The following PTPRQ variants were observed in gnomAD, a reference collection of about 807,000 sequenced individuals.
PTPRQ encodes protein tyrosine phosphatase receptor type Q, also known as phosphatidylinositol phosphatase PTPRQ.
A neutral mutation model predicts 246.0 loss-of-function variants in PTPRQ; 199 were observed. That is an observed-to-expected ratio of 0.81 (90% CI 0.72 to 0.91). PTPRQ has a LOEUF of 0.91. Among genes scored for constraint, PTPRQ ranks in the 40% least tolerant of loss-of-function variants. PTPRQ has a pLI of 0.00. For missense variants in PTPRQ, 2,624 were observed against 2,528.4 expected (o/e 1.04, Z -0.81); for synonymous variants, 869 against 853.2 (o/e 1.02, Z -0.32).
chr12:80,452,702 C>T (rs1006364400), intron 3 of PTPRQ, among the ~76,000 whole-genome samples: 1 of 152,214 alleles, frequency 6.6e-6, no homozygotes, highest in Non-Finnish European at 1.5e-5. Context: ...CCCCCACTCT[C>T]TTCTGGCTTC....
chr12:80,660,608 A>G (rs1199237811), intron 39 of PTPRQ, among the ~76,000 whole-genome samples: 1 of 152,106 alleles, frequency 6.6e-6, no homozygotes, highest in African/African-American at 2.4e-5. Context: ...CGTCAAAATT[A>G]TCTCTCCTGT....
chr12:80,468,395 A>C (rs1893510058), intron 6 of PTPRQ, among the ~76,000 whole-genome samples: 1 of 152,274 alleles, frequency 6.6e-6, no homozygotes. Context: ...TGCAGGTATA[A>C]ATGTTTCAAG....
chr12:80,538,090 C>G (rs35836356), intron 19 of PTPRQ, among the ~76,000 whole-genome samples: 6 of 151,816 alleles, frequency 4.0e-5, no homozygotes, highest in Non-Finnish European at 7.4e-5. Flanking sequence ...GCCTGGGCAA[C>G]AGAGTGAGAC....
At chr12:80,567,341 C>A (rs1897009210) in intron 25 of PTPRQ, among the ~76,000 whole-genome samples, 1 of 152,050 alleles carries the variant, frequency 6.6e-6, no homozygotes, top group Non-Finnish European at 1.5e-5. Flanking sequence ...AAGCTTTTTT[C>A]ATGCTTTTAA....
chr12:80,541,095 T>C (rs1240738215), intron 20 of PTPRQ, among the ~76,000 whole-genome samples: 1 of 152,112 alleles, frequency 6.6e-6, no homozygotes, highest in African/African-American at 2.4e-5. Context: ...TAGTATTGAT[T>C]CTTCTGGCTA....
At chr12:80,552,819 A>T (rs572296631) in intron 25 of PTPRQ, among the ~76,000 whole-genome samples, 2 of 151,666 alleles carry the variant, frequency 1.3e-5, no homozygotes, top group South Asian at 4.2e-4. Flanking sequence ...GTACTTTCCT[A>T]CTACTGAGTA....
chr12:80,549,324 T>C (rs1205257600), intron 24 of PTPRQ, 141 bp from the exon 25 acceptor site: 3 of 1,081,030 alleles, frequency 2.8e-6, no homozygotes, highest in African/African-American at 3.2e-5. Context: ...TTAATGACTT[T>C]TTAAGCACAC....
intron 26 of PTPRQ, among the ~76,000 whole-genome samples, chr12:80,589,876 G>A (rs1272389591): frequency 6.6e-6 from 1 of 152,088 alleles, no homozygotes; most frequent in East Asian, 1.9e-4. Flanking sequence ...TTAACTGTAA[G>A]CATTGGAGAG....
intron 9 of PTPRQ, among the ~76,000 whole-genome samples, chr12:80,492,039 AAG>A (rs758777909): frequency 4.0e-5 from 6 of 151,848 alleles, no homozygotes; most frequent in Non-Finnish European, 7.4e-5. Context: ...AAATTAGTAA[AAG>A]AGAGTAGATT....
rs142062821 is a variant in PTPRQ at position 80,593,855 on chromosome 12, G to A, written c.4609+5403G>A. 9.9e-5 allele frequency among the ~76,000 whole-genome samples: 15 copies of A among 151,936 alleles called. 1 individual carries two copies. The East Asian group carries it at 2.9e-3, about 29-fold the overall frequency. ...AAATGTACAACTTTAAAGGAGTGTG[G>A]GTGTGAAATTAGTATGAAATGGAAT... is the stretch of plus-strand genomic sequence containing the variant. On this transcript the variant is annotated intron_variant, in intron 26 of 44. Coordinates refer to ENST00000644991, the MANE Select transcript of PTPRQ (RefSeq NM_001145026.2).
At chr12:80,658,198 T>A (rs1442242477) in intron 39 of PTPRQ, 137 bp downstream of exon 39, 1 of 488,640 alleles carries the variant, frequency 2.0e-6, no homozygotes, top group East Asian at 4.2e-5. Context: ...ACAGCCACAT[T>A]GTGTACCCTT....
At chr12:80,580,929 C>A (rs550502649) in intron 25 of PTPRQ, among the ~76,000 whole-genome samples, 8 of 152,272 alleles carry the variant, frequency 5.3e-5, no homozygotes, top group African/African-American at 1.7e-4. Context: ...CTTTTTAAGA[C>A]CTTTTCTTCT....
intron 8 of PTPRQ, among the ~76,000 whole-genome samples, chr12:80,476,703 A>G (rs1893821957): frequency 6.6e-6 from 1 of 152,152 alleles, no homozygotes; most frequent in Non-Finnish European, 1.5e-5. Flanking sequence ...GTTCCCTTTT[A>G]AGACTATATG....
chr12:80,493,890 C>A (rs1303128026), intron 10 of PTPRQ, among the ~76,000 whole-genome samples: 1 of 151,792 alleles, frequency 6.6e-6, no homozygotes, highest in Non-Finnish European at 1.5e-5. Context: ...TGTAGGTGAC[C>A]CCAACGATGT....
chr12:80,648,046 A>C (rs894114787), intron 35 of PTPRQ, among the ~76,000 whole-genome samples: 1 of 151,664 alleles, frequency 6.6e-6, no homozygotes, highest in African/African-American at 2.4e-5. Flanking sequence ...GACCATTTTC[A>C]TATTTATTAT....
intron 5 of PTPRQ, among the ~76,000 whole-genome samples, chr12:80,460,037 A>AT (rs1893105583): frequency 6.6e-6 from 1 of 152,296 alleles, no homozygotes; most frequent in African/African-American, 2.4e-5. Context: ...ATGCTTTATT[A>AT]TAGAATAAGC....
intron 14 of PTPRQ, 79 bp downstream of exon 14, chr12:80,496,610 C>T: frequency 1.4e-6 from 2 of 1,437,926 alleles, no homozygotes; most frequent in Non-Finnish European, 1.8e-6. Flanking sequence ...ATGTTGTTTA[C>T]ATTTTACATA....
chr12:80,642,690 G>A (rs1042943820), intron 35 of PTPRQ, among the ~76,000 whole-genome samples: 7 of 151,810 alleles, frequency 4.6e-5, no homozygotes, highest in Non-Finnish European at 1.0e-4. Flanking sequence ...GGAGGCCGAG[G>A]CGGGCGGATC....
chr12:80,616,957 A>G (rs1432352690), intron 30 of PTPRQ, among the ~76,000 whole-genome samples: 1 of 151,068 alleles, frequency 6.6e-6, no homozygotes, highest in East Asian at 1.9e-4. Flanking sequence ...ATGTGTAATA[A>G]AACCTTCAGA....
Sources: gnomAD v4.1 joint callset for allele counts (sites outside exome capture counted in the v4.1 genomes callset) on GRCh38, gnomAD v4.1.1 for gene constraint, MANE v1.5 for transcripts, NCBI Gene and HGNC (gene_info 2026-07-23, HGNC 2026-07-21) for gene names.